Variants in PDE10A observed in about 807,000 individuals in gnomAD.
The protein encoded by PDE10A is phosphodiesterase 10A.
PDE10A carries 39 observed loss-of-function variants against 97.7 expected under a neutral mutation model. The observed-to-expected ratio is 0.40, with a 90% confidence interval of 0.31 to 0.52. PDE10A has a LOEUF of 0.52. Among genes scored for constraint, PDE10A ranks in the 20% least tolerant of loss-of-function variants. The probability of loss-of-function intolerance (pLI) is 0.56; values close to 1 mark genes in which losing one functional copy is unlikely to be tolerated. For synonymous variants in PDE10A, 371 were observed against 376.8 expected (o/e 0.98, Z 0.18); for missense variants, 731 against 1,047.8 (o/e 0.70, Z 4.17).
At chr6:165,691,589 GCGCACACACACACACA>G (rs774285055) in intron 1 of PDE10A, among the ~76,000 whole-genome samples, 3 of 144,578 alleles carry the variant, frequency 2.1e-5, no homozygotes, top group East Asian at 2.3e-4. Context: ...ATGCACGCGC[GCGCACACACACACACA>G]CACACACACA....
At chr6:165,950,372 C>T (rs1783914879) in intron 1 of PDE10A, among the ~76,000 whole-genome samples, 1 of 152,172 alleles carries the variant, frequency 6.6e-6, no homozygotes, top group Non-Finnish European at 1.5e-5. Context: ...TTAGCATTTT[C>T]TATTTGCACA....
chr6:165,609,598 T>C (rs1193879716), intron 1 of PDE10A, among the ~76,000 whole-genome samples: 1 of 152,178 alleles, frequency 6.6e-6, no homozygotes, highest in Non-Finnish European at 1.5e-5. Context: ...TGATTGTATA[T>C]CTAGAAAACC....
At chr6:165,471,896 T>C (rs984995413) in intron 3 of PDE10A, among the ~76,000 whole-genome samples, 2 of 152,204 alleles carry the variant, frequency 1.3e-5, no homozygotes, top group Non-Finnish European at 2.9e-5. Context: ...TTCTGAACTT[T>C]TGTTTGCGCT....
At chr6:165,395,024 G>C (rs1452751672) in intron 15 of PDE10A, among the ~76,000 whole-genome samples, 157 bp downstream of exon 15, 1 of 152,118 alleles carries the variant, frequency 6.6e-6, no homozygotes, top group Non-Finnish European at 1.5e-5. Context: ...AATAATCTCA[G>C]CCCTTTTTTA....
chr6:165,786,690 TATC>T (rs1387774092), intron 1 of PDE10A, among the ~76,000 whole-genome samples: 11 of 152,284 alleles, frequency 7.2e-5, no homozygotes, highest in South Asian at 2.1e-4. Context: ...ATGAAACTGA[TATC>T]AGAGTTCTTG....
At chr6:165,508,722 C>T (rs112871190) in intron 2 of PDE10A, among the ~76,000 whole-genome samples, 40 of 152,022 alleles carry the variant, frequency 2.6e-4, no homozygotes, top group African/African-American at 8.9e-4. Context: ...TAATTTTAGC[C>T]ACTGCAAGAG....
chr6:165,364,411 C>G (rs368325666), intron 18 of PDE10A, among the ~76,000 whole-genome samples: 3 of 152,242 alleles, frequency 2.0e-5, no homozygotes, highest in East Asian at 3.9e-4. Context: ...CTGCCAGTAG[C>G]TTGATTCTGG....
chr6:165,411,137 A>C (rs1410800526), intron 13 of PDE10A, among the ~76,000 whole-genome samples: 1 of 149,942 alleles, frequency 6.7e-6, no homozygotes, highest in Non-Finnish European at 1.5e-5. Context: ...CAACAGGTGT[A>C]TACGCTTTAA....
intron 1 of PDE10A, among the ~76,000 whole-genome samples, chr6:165,710,313 G>A (rs770675921): frequency 3.4e-4 from 52 of 152,264 alleles, no homozygotes; most frequent in Non-Finnish European, 6.3e-4. Flanking sequence ...ACACATAGCA[G>A]GGGCAAAAAC....
chr6:165,470,529 C>T (rs1778928493), intron 3 of PDE10A, among the ~76,000 whole-genome samples: 1 of 152,152 alleles, frequency 6.6e-6, no homozygotes, highest in South Asian at 2.1e-4. Flanking sequence ...GTTTATACTT[C>T]ACCTGATTAA....
chr6:165,457,318 C>T (rs1778014693), intron 3 of PDE10A, among the ~76,000 whole-genome samples: 1 of 149,134 alleles, frequency 6.7e-6, no homozygotes, highest in African/African-American at 2.5e-5. Context: ...ATTCGTAATT[C>T]GAGACGAGTT....
In PDE10A at chr6:165,691,637, G is replaced by C. The variant is rs368471004; in HGVS notation, c.-614-148069C>G. Among the ~76,000 whole-genome samples the C allele has an allele frequency of 3.3e-5, 5 of 151,386 alleles. 1 individual carries two copies. The highest frequency in any genetic ancestry group is 7.3e-5 in the African/African-American group (3 of 41,280). On this transcript the variant is annotated intron_variant, in intron 1 of 19. Coordinates refer to the PDE10A transcript ENST00000366882. The stretch of plus-strand genomic sequence containing the variant: ...CACACACACACACAGCATCGGTTCT[G>C]TTTCTCTGGAGAGTCCTGACTAATT...
At chr6:165,353,487 T>C (rs1782829026) in intron 18 of PDE10A, among the ~76,000 whole-genome samples, 1 of 152,172 alleles carries the variant, frequency 6.6e-6, no homozygotes, top group Non-Finnish European at 1.5e-5. Flanking sequence ...AACAGTGGTG[T>C]CCTTCAGTAG....
intron 11 of PDE10A, among the ~76,000 whole-genome samples, chr6:165,417,364 T>C (rs186036014): frequency 6.6e-6 from 1 of 152,332 alleles, no homozygotes; most frequent in Non-Finnish European, 1.5e-5. Context: ...ATAACTTTTG[T>C]TCATGCTCTC....
chr6:165,698,711 G>A (rs765386476), intron 1 of PDE10A, among the ~76,000 whole-genome samples: 50 of 151,968 alleles, frequency 3.3e-4, no homozygotes, highest in Non-Finnish European at 4.6e-4. Context: ...TTAGCCAGAC[G>A]TGGCGGCATT....
At chr6:165,575,708 T>C (rs1194325693) in intron 1 of PDE10A, among the ~76,000 whole-genome samples, 1 of 152,230 alleles carries the variant, frequency 6.6e-6, no homozygotes, top group Non-Finnish European at 1.5e-5. Flanking sequence ...AGTAGTCCAG[T>C]GCTTATTTTA....
At chr6:165,805,741 G>C (rs973140022) in intron 1 of PDE10A, among the ~76,000 whole-genome samples, 2 of 152,100 alleles carry the variant, frequency 1.3e-5, no homozygotes, top group Non-Finnish European at 2.9e-5. Context: ...TGAACTCTCA[G>C]AGGTAAAAGA....
intron 2 of PDE10A, among the ~76,000 whole-genome samples, chr6:165,509,927 C>A (rs1781417130): frequency 6.6e-6 from 1 of 151,774 alleles, no homozygotes; most frequent in Admixed American, 6.6e-5. Context: ...TGATTTTGTA[C>A]CCTGCAACTA....
At chr6:165,560,066 G>A (rs1375228917) in intron 1 of PDE10A, among the ~76,000 whole-genome samples, 2 of 152,186 alleles carry the variant, frequency 1.3e-5, no homozygotes, top group Non-Finnish European at 2.9e-5. Flanking sequence ...CCGGCACTGT[G>A]AGGATGTATT....
Sources: gnomAD v4.1 joint callset for allele counts (sites outside exome capture counted in the v4.1 genomes callset) on GRCh38, gnomAD v4.1.1 for gene constraint, MANE v1.5 for transcripts, NCBI Gene and HGNC (gene_info 2026-07-23, HGNC 2026-07-21) for gene names.